The following ILDR1 variants were observed in gnomAD, a reference collection of about 807,000 sequenced individuals.
ILDR1 encodes immunoglobulin like domain containing receptor 1, also known as immunoglobulin-like domain-containing receptor 1.
ILDR1 carries 56 observed loss-of-function variants against 62.4 expected under a neutral mutation model. The ratio of observed to expected loss-of-function variants is 0.90; its 90% CI spans 0.72 to 1.12. The LOEUF (loss-of-function observed/expected upper bound fraction) is 1.12. ILDR1 is among the 50% of genes most tolerant of loss of function. The probability of loss-of-function intolerance (pLI) is 0.00; values close to 1 mark genes in which losing one functional copy is unlikely to be tolerated. For synonymous variants in ILDR1, 284 were observed against 277.8 expected (o/e 1.02, Z -0.22); for missense variants, 736 against 710.6 (o/e 1.04, Z -0.41).
the ILDR1 span, among the ~76,000 whole-genome samples, chr3:122,047,487 G>A: frequency 1.3e-5 from 2 of 152,254 alleles, no homozygotes; most frequent in African/African-American, 4.8e-5. Context: ...AGCAAGCCTG[G>A]GCAATGGCGG....
At chr3:121,988,554 T>C in intron 7 of ILDR1, 146 bp from the exon 8 acceptor site, 4 of 704,114 alleles carry the variant, frequency 5.7e-6, no homozygotes, top group Non-Finnish European at 1.0e-5. Context: ...AAGTATTTCT[T>C]TACTCTTCAT....
At position 122,022,208 on chromosome 3, in the gene ILDR1, G is replaced by C. The variant is rs1410414804; in HGVS notation, c.-131C>G. 8.9e-6 allele frequency: 7 copies of C among 783,076 alleles called. No individual in the cohort carries two copies. Among genetic ancestry groups the C allele is most frequent in the African/African-American group, 3.5e-5 (2 of 56,402 alleles). The allele number at this position is 783,076 out of a possible 1,614,324, so 48.5% of individuals were successfully genotyped here. A position where few individuals can be genotyped will look rare whatever the true frequency, so the allele number is the denominator to read the frequency against. The stretch of plus-strand genomic sequence containing the variant: ...GGTTTCCCCTCCCTCGGCGCAGCGG[G>C]GAGGGAGCGTCCGCTCTGGTCCCGG... On this transcript the variant is annotated 5_prime_UTR_variant, in exon 1 of 8. Transcript: ENST00000344209.
the ILDR1 span, among the ~76,000 whole-genome samples, chr3:122,054,280 G>A: frequency 6.6e-6 from 1 of 151,898 alleles, no homozygotes; most frequent in Non-Finnish European, 1.5e-5. Flanking sequence ...TTAAAGCTCA[G>A]CACTGGTGTT....
chr3:122,021,649 A>G (rs899621554), intron 1 of ILDR1, among the ~76,000 whole-genome samples: 1 of 152,232 alleles, frequency 6.6e-6, no homozygotes, highest in Admixed American at 6.5e-5. Flanking sequence ...TTCTGGGCCA[A>G]TATGGTTGTC....
At chr3:122,046,260 G>C in the ILDR1 span, among the ~76,000 whole-genome samples, 18 of 149,696 alleles carry the variant, frequency 1.2e-4, no homozygotes, top group Admixed American at 4.0e-4. Flanking sequence ...ACTCTCTTCT[G>C]GCTTGTAGGG....
chr3:122,039,034 A>G, the ILDR1 span, among the ~76,000 whole-genome samples: 1 of 152,128 alleles, frequency 6.6e-6, no homozygotes, highest in Non-Finnish European at 1.5e-5. Context: ...AGGTCAACAG[A>G]AATTACACAA....
the ILDR1 span, among the ~76,000 whole-genome samples, chr3:122,029,511 A>AATATATATAT: frequency 4.0e-4 from 56 of 139,496 alleles, 1 homozygote; most frequent in African/African-American, 1.4e-3. Context: ...GTCTAAAAAA[A>AATATATATAT]ATATATATAT....
intron 7 of ILDR1, 37 bp from the exon 8 acceptor site, chr3:121,988,445 AG>A (rs1254310699): frequency 1.3e-6 from 2 of 1,555,874 alleles, no homozygotes; most frequent in Admixed American, 3.3e-5. Flanking sequence ...AAAAAAATCC[AG>A]TCAGTGCAAT....
chr3:121,994,202 A>G lies in ILDR1; in HGVS notation c.758T>C (p.Met253Thr), dbSNP rs1225254149. Reference sequence around the variant, plus strand: ...TTTACCTCGCTGCAGCAGCGGGTGCATTGGATAAGATGAAACCTGGGAGCT... The same window carrying G: ...TTTACCTCGCTGCAGCAGCGGGTGCGTTGGATAAGATGAAACCTGGGAGCT... ...DRSSQVSSYP[M>T]HPLLQRDLSL... The change falls in exon 6 of 8, where the codon ATG (methionine) becomes ACG (threonine). Residue 253 changes from methionine (M) to threonine (T), a missense_variant. Coordinates refer to ENST00000344209, the MANE Select transcript of ILDR1 (RefSeq NM_001199799.2). 1.5e-5 allele frequency: 23 copies of G among 1,535,958 alleles called. No individual in the cohort carries two copies. The highest frequency in any genetic ancestry group is 2.0e-5 in the Non-Finnish European group (23 of 1,146,898).
chr3:121,999,820 T>C (rs2071490653), intron 5 of ILDR1, among the ~76,000 whole-genome samples: 1 of 152,008 alleles, frequency 6.6e-6, no homozygotes, highest in Non-Finnish European at 1.5e-5. Context: ...TTCAAAAGAC[T>C]CCACGTGGAT....
chr3:122,022,328 C>T (rs1250145912), upstream of ILDR1: 7 of 416,436 alleles, frequency 1.7e-5, no homozygotes, highest in Non-Finnish European at 3.0e-5. Context: ...CCCCCGCCTC[C>T]CGGGGGACTG....
intron 1 of ILDR1, among the ~76,000 whole-genome samples, chr3:122,013,825 TAACA>T (rs2071737956): frequency 6.6e-6 from 1 of 152,162 alleles, no homozygotes; most frequent in African/African-American, 2.4e-5. Flanking sequence ...ATGCAACACT[TAACA>T]GTGCAGCACC....
chr3:122,023,877 C>G (rs1454786561), upstream of ILDR1, among the ~76,000 whole-genome samples: 1 of 152,074 alleles, frequency 6.6e-6, no homozygotes, highest in Non-Finnish European at 1.5e-5. Context: ...AGACCCTGTA[C>G]ATGCTCCCAG....
intron 7 of ILDR1, among the ~76,000 whole-genome samples, chr3:121,988,730 G>C (rs528361387): frequency 6.6e-6 from 1 of 152,294 alleles, no homozygotes; most frequent in South Asian, 2.1e-4. Context: ...GGGGTACCCT[G>C]TTCCATTCTT....
In ILDR1 at chr3:121,993,362, G is replaced by A. The variant is rs778163752; in HGVS notation, c.1387C>T (p.Arg463Cys). 21 of 1,609,892 alleles carry A rather than the reference G, an allele frequency of 1.3e-5. No homozygotes were observed. The highest frequency in any genetic ancestry group is 5.3e-5 in the African/African-American group (4 of 74,848). Residue 463 changes from arginine to cysteine, a missense_variant, in exon 7 of 8, where the codon CGC (arginine) becomes TGC (cysteine). Arg to Cys is a radical substitution (Grantham distance 180). Transcript: ENST00000344209. ...RESTQRHGRR[R>C]RHRSYSPPLP... ...GGAGGAGAGTAGCTGCGGTGCCTGC[G>A]TCGTCTCCCGTGCCTCTGAGTGCTC...
At chr3:122,034,628 C>T in the ILDR1 span, among the ~76,000 whole-genome samples, 6 of 149,792 alleles carry the variant, frequency 4.0e-5, no homozygotes, top group Non-Finnish European at 6.0e-5. Flanking sequence ...CACACTTTCT[C>T]GCAGGTTTTT....
the ILDR1 span, among the ~76,000 whole-genome samples, chr3:122,044,989 A>T: frequency 6.7e-6 from 1 of 149,516 alleles, no homozygotes; most frequent in African/African-American, 2.4e-5. Context: ...TTGCTTTTCT[A>T]GTTCTTTTAA....
chr3:122,049,529 A>G, the ILDR1 span, among the ~76,000 whole-genome samples: 2 of 152,142 alleles, frequency 1.3e-5, no homozygotes, highest in African/African-American at 2.4e-5. Flanking sequence ...AGTTCTGCCA[A>G]TGTTTGCTTC....
At chr3:122,049,522 T>C in the ILDR1 span, among the ~76,000 whole-genome samples, 1 of 152,222 alleles carries the variant, frequency 6.6e-6, no homozygotes, top group Non-Finnish European at 1.5e-5. Flanking sequence ...TCCCTTCAGT[T>C]CTGCCAATGT....
Sources: gnomAD v4.1 joint callset for allele counts (sites outside exome capture counted in the v4.1 genomes callset) on GRCh38, gnomAD v4.1.1 for gene constraint, MANE v1.5 for transcripts, NCBI Gene and HGNC (gene_info 2026-07-23, HGNC 2026-07-21) for gene names.